The following KLRG1 variants were observed in gnomAD, a reference collection of about 807,000 sequenced individuals.
KLRG1 encodes the protein killer cell lectin like receptor G1.
In KLRG1, 16 loss-of-function variants were observed where a neutral mutation model predicts 21.8. The ratio of observed to expected loss-of-function variants is 0.73; its 90% CI spans 0.50 to 1.11. The LOEUF is 1.11. KLRG1 is among the 50% of genes most tolerant of loss of function. KLRG1 has a pLI of 0.00. For synonymous variants in KLRG1, 69 were observed against 75.9 expected (o/e 0.91, Z 0.47); for missense variants, 173 against 218.3 (o/e 0.79, Z 1.31).
the KLRG1 span, among the ~76,000 whole-genome samples, chr12:9,062,197 T>G: frequency 7.3e-6 from 1 of 137,638 alleles, no homozygotes; most frequent in Non-Finnish European, 1.5e-5. Context: ...TCTGATATAT[T>G]TATATATTGT....
At chr12:9,168,394 C>G in the KLRG1 span, 1 of 152,504 alleles carries the variant, frequency 6.6e-6, no homozygotes, top group African/African-American at 2.4e-5. Flanking sequence ...GGTGATGGGA[C>G]AGATGTTTTA....
chr12:8,956,237 G>A (rs964153887), intron 1 of KLRG1, among the ~76,000 whole-genome samples: 1 of 152,174 alleles, frequency 6.6e-6, no homozygotes, highest in African/African-American at 2.4e-5. Context: ...GCCACCCCAC[G>A]TTATGGGAAG....
At chr12:8,982,349 C>T (rs1433954794) in intron 1 of KLRG1, among the ~76,000 whole-genome samples, 1 of 152,176 alleles carries the variant, frequency 6.6e-6, no homozygotes, top group Non-Finnish European at 1.5e-5. Context: ...TGATTTCCTT[C>T]TGGAGGCTTT....
At chr12:8,988,688 C>T (rs1265641474), upstream of KLRG1, among the ~76,000 whole-genome samples, 1 of 152,140 alleles carries the variant, frequency 6.6e-6, no homozygotes, top group African/African-American at 2.4e-5. Flanking sequence ...TCAAGCCATT[C>T]TCCTGCCTCA....
chr12:8,959,229 C>T (rs144221448), intron 1 of KLRG1, among the ~76,000 whole-genome samples: 1 of 152,154 alleles, frequency 6.6e-6, no homozygotes, highest in Non-Finnish European at 1.5e-5. Flanking sequence ...ATATAAGTTG[C>T]TTACTGCCCC....
At chr12:9,183,368 G>A in the KLRG1 span, among the ~76,000 whole-genome samples, 6 of 151,912 alleles carry the variant, frequency 3.9e-5, no homozygotes, top group Non-Finnish European at 8.8e-5. Context: ...TTATCTATAT[G>A]TGTCCCATAA....
At chr12:9,214,764 T>C in the KLRG1 span, among the ~76,000 whole-genome samples, 3 of 152,042 alleles carry the variant, frequency 2.0e-5, no homozygotes, top group East Asian at 5.8e-4. Context: ...TGTTACCTTT[T>C]CTAATGCTAA....
chr12:9,121,801 C>T, the KLRG1 span, among the ~76,000 whole-genome samples: 7 of 152,236 alleles, frequency 4.6e-5, no homozygotes, highest in Non-Finnish European at 1.0e-4. This position sits in a 1 kb window ranked among gnomAD's most constrained non-coding sequence, Gnocchi z 4.4. Context: ...AATCTGTCCC[C>T]ATTGTGAATT....
the KLRG1 span, among the ~76,000 whole-genome samples, chr12:9,208,929 G>C: frequency 3.3e-5 from 5 of 152,138 alleles, no homozygotes; most frequent in African/African-American, 1.2e-4. Flanking sequence ...AGTTATCAAA[G>C]ATCACACTTG....
the KLRG1 span, among the ~76,000 whole-genome samples, chr12:9,076,079 G>A: frequency 6.6e-6 from 1 of 152,310 alleles, no homozygotes; most frequent in Non-Finnish European, 1.5e-5. Context: ...GTGAATATGA[G>A]TAGATTGGTC....
chr12:9,107,706 AT>A, the KLRG1 span: 1 of 1,586,758 alleles, frequency 6.3e-7, no homozygotes. Flanking sequence ...TTTTCTAGCT[AT>A]TTATATCTCC....
chr12:9,075,318 A>G, the KLRG1 span, among the ~76,000 whole-genome samples: 1 of 152,338 alleles, frequency 6.6e-6, no homozygotes, highest in Non-Finnish European at 1.5e-5. Context: ...ATATTCAGCA[A>G]TGGGGAAGAT....
chr12:9,197,218 C>G, the KLRG1 span: 1 of 809,548 alleles, frequency 1.2e-6, no homozygotes, highest in Non-Finnish European at 2.0e-6. Context: ...GAGTTGCCTA[C>G]ACATCTTTAT....
At chr12:9,150,780 G>T in the KLRG1 span, 1 of 1,368,250 alleles carries the variant, frequency 7.3e-7, no homozygotes, top group Non-Finnish European at 1.0e-6. Flanking sequence ...CAAGAACCTA[G>T]AAAACCTCCT....
At chr12:9,080,381 A>G in the KLRG1 span, 1 of 376,386 alleles carries the variant, frequency 2.7e-6, no homozygotes, top group African/African-American at 2.1e-5. Context: ...TTCTTCAATG[A>G]TCTTTTCAGT....
the KLRG1 span, among the ~76,000 whole-genome samples, chr12:9,052,225 C>T: frequency 5.9e-5 from 9 of 152,144 alleles, no homozygotes; most frequent in East Asian, 1.9e-4. Context: ...TTGGCTCTTT[C>T]GAGGACACTG....
intron 3 of KLRG1, among the ~76,000 whole-genome samples, chr12:9,008,331 G>A (rs1947534864): frequency 6.6e-6 from 1 of 152,170 alleles, no homozygotes; most frequent in Non-Finnish European, 1.5e-5. Flanking sequence ...TGCAATGGAA[G>A]GTAGAGATGT....
At chr12:9,066,586 A>C in the KLRG1 span, 3 of 152,388 alleles carry the variant, frequency 2.0e-5, no homozygotes, top group African/African-American at 7.2e-5. Flanking sequence ...GAGTGGGCAG[A>C]AGCAGCCCAG....
the KLRG1 span, chr12:9,058,478 TA>T: frequency 6.6e-6 from 1 of 152,096 alleles, no homozygotes; most frequent in Admixed American, 6.6e-5. Context: ...TGTTTTAATA[TA>T]AACATATAAA....
Sources: gnomAD v4.1 joint callset for allele counts (sites outside exome capture counted in the v4.1 genomes callset) on GRCh38, gnomAD v4.1.1 for gene constraint, Gnocchi (gnomAD v3.1) non-coding constraint, MANE v1.5 for transcripts, NCBI Gene and HGNC (gene_info 2026-07-23, HGNC 2026-07-21) for gene names.